The following WWOX variants were observed in gnomAD, a reference collection of about 807,000 sequenced individuals.
The protein encoded by WWOX is WW domain-containing oxidoreductase.
A neutral mutation model predicts 46.2 loss-of-function variants in WWOX; 69 were observed. The ratio of observed to expected loss-of-function variants is 1.49; its 90% CI spans 1.23 to 1.82. The LOEUF is 1.82. WWOX is among the 40% of genes most tolerant of loss of function. The pLI, the probability that WWOX is intolerant of heterozygous loss-of-function variation, is 0.00. For synonymous variants in WWOX, 359 were observed against 202.6 expected (o/e 1.77, Z -6.56); for missense variants, 919 against 542.6 (o/e 1.69, Z -6.89).
chr16:78,585,275 C>G (rs992253532), intron 8 of WWOX, among the ~76,000 whole-genome samples: 2 of 152,190 alleles, frequency 1.3e-5, no homozygotes, highest in Admixed American at 6.5e-5. Context: ...CAAGAGAAGA[C>G]CAGGCCTTGG....
intron 8 of WWOX, among the ~76,000 whole-genome samples, chr16:79,107,365 G>C (rs2049331878): frequency 6.6e-6 from 1 of 152,064 alleles, no homozygotes; most frequent in African/African-American, 2.4e-5. Context: ...TGGGATGACA[G>C]GCACGAGTCA....
chr16:78,858,998 A>AT (rs1402875419), intron 8 of WWOX, among the ~76,000 whole-genome samples: 2 of 54,722 alleles, frequency 3.7e-5, no homozygotes, highest in African/African-American at 7.0e-5. Context: ...TAGTTTTGAA[A>AT]TTTAAAAAAA....
Position 78,974,915 on chromosome 16 carries a change from C to T in WWOX, c.1057-236693C>T, listed in dbSNP as rs143924485. Among the ~76,000 whole-genome samples, 681 of 152,226 alleles carry T rather than the reference C, an allele frequency of 4.5e-3. 2 individuals are homozygous for T. The highest frequency in any genetic ancestry group is 5.7e-3 in the Admixed American group (87 of 15,290). On this transcript the variant is annotated intron_variant, in intron 8 of 8. Coordinates refer to ENST00000566780, the MANE Select transcript of WWOX (RefSeq NM_016373.4). ...TGCTCAGCTGCAAGTCAGGGTCCACCGATGCAGCCTCGGAATTTAATGAGG... is the reference window on the plus strand; with the variant it reads ...TGCTCAGCTGCAAGTCAGGGTCCACTGATGCAGCCTCGGAATTTAATGAGG...
chr16:79,151,747 C>T (rs906703825), intron 8 of WWOX, among the ~76,000 whole-genome samples: 10 of 152,164 alleles, frequency 6.6e-5, no homozygotes, highest in African/African-American at 2.4e-4. Context: ...GGGTGCCTGA[C>T]AGCCAGAGCC....
At chr16:78,262,097 C>CAAAAAAAAAAAA (rs752161345) in intron 5 of WWOX, among the ~76,000 whole-genome samples, 3 of 62,594 alleles carry the variant, frequency 4.8e-5, no homozygotes, top group South Asian at 7.9e-4. Flanking sequence ...GAAACTCTGT[C>CAAAAAAAAAAAA]AAAAAAAAAA....
intron 5 of WWOX, among the ~76,000 whole-genome samples, chr16:78,317,554 A>C (rs2080379539): frequency 6.6e-6 from 1 of 152,042 alleles, no homozygotes; most frequent in Non-Finnish European, 1.5e-5. Context: ...AAAGTACCTT[A>C]CCTCCTTCCA....
intron 8 of WWOX, among the ~76,000 whole-genome samples, chr16:78,575,607 C>G (rs1057367808): frequency 6.6e-6 from 1 of 152,112 alleles, no homozygotes; most frequent in Non-Finnish European, 1.5e-5. Flanking sequence ...GCATTTGACG[C>G]ATATTTAATA....
chr16:78,991,230 C>T (rs796254823), intron 8 of WWOX, among the ~76,000 whole-genome samples: 4 of 152,170 alleles, frequency 2.6e-5, no homozygotes, highest in Non-Finnish European at 1.5e-5. Flanking sequence ...TGAACTATTT[C>T]TTGGATGAAA....
intron 8 of WWOX, among the ~76,000 whole-genome samples, chr16:78,556,627 A>G (rs773370741): frequency 2.7e-4 from 41 of 152,302 alleles, no homozygotes; most frequent in Middle Eastern, 3.4e-3. Flanking sequence ...TGTTTAGGAC[A>G]GAGTTCAACC....
chr16:79,139,410 C>T (rs984587633), intron 8 of WWOX, among the ~76,000 whole-genome samples: 2 of 152,186 alleles, frequency 1.3e-5, no homozygotes, highest in Non-Finnish European at 2.9e-5. Context: ...CTGTAACACA[C>T]TTTGCCTGCA....
intron 8 of WWOX, among the ~76,000 whole-genome samples, chr16:78,951,549 A>G (rs2046060250): frequency 6.6e-6 from 1 of 152,214 alleles, no homozygotes; most frequent in African/African-American, 2.4e-5. Flanking sequence ...AAAAGGGGAC[A>G]TGGGTATTAA....
At position 79,212,067 on chromosome 16, in the gene WWOX, G is replaced by A; in HGVS notation, c.*271G>A. 2 of 1,536,378 alleles carry A rather than the reference G, an allele frequency of 1.3e-6. No homozygotes were observed. The highest frequency in any genetic ancestry group is 1.7e-6 in the Non-Finnish European group (2 of 1,146,866). ...TTGAAAGTAAAAACCTGCTTGGTGTGTAGGTTCCGTATCTCCCTGGAGAAG... is the reference window on the plus strand; with the variant it reads ...TTGAAAGTAAAAACCTGCTTGGTGTATAGGTTCCGTATCTCCCTGGAGAAG... On this transcript the variant is annotated 3_prime_UTR_variant, in exon 9 of 9. Coordinates refer to ENST00000566780, the MANE Select transcript of WWOX (RefSeq NM_016373.4).
intron 5 of WWOX, among the ~76,000 whole-genome samples, chr16:78,340,372 T>C (rs112645222): frequency 0.23 from 26,601 of 117,414 alleles, 8,433 homozygotes; most frequent in African/African-American, 0.38. Flanking sequence ...AATTTATTTT[T>C]ATTTTTTGTA....
intron 8 of WWOX, among the ~76,000 whole-genome samples, chr16:79,136,765 C>A (rs1203706066): frequency 1.3e-5 from 2 of 152,278 alleles, no homozygotes; most frequent in East Asian, 1.9e-4. Context: ...GTAATAATAT[C>A]CCTTGAAGCC....
At chr16:78,481,881 A>C (rs1247571809) in intron 8 of WWOX, among the ~76,000 whole-genome samples, 1 of 152,134 alleles carries the variant, frequency 6.6e-6, no homozygotes, top group African/African-American at 2.4e-5. Flanking sequence ...GGAGCTTTAA[A>C]ATAAAATAAA....
chr16:78,987,818 C>T (rs1195663290), intron 8 of WWOX, among the ~76,000 whole-genome samples: 1 of 152,160 alleles, frequency 6.6e-6, no homozygotes, highest in African/African-American at 2.4e-5. Context: ...CAAAAATTTC[C>T]AGCAGGACTT....
intron 5 of WWOX, among the ~76,000 whole-genome samples, chr16:78,261,312 T>A (rs1268406566): frequency 1.3e-5 from 2 of 150,708 alleles, no homozygotes; most frequent in African/African-American, 4.9e-5. Flanking sequence ...CATACATACA[T>A]ATAAAATTAG....
In WWOX at chr16:79,156,424, G is replaced by C. The variant is rs143197482; in HGVS notation, c.1057-55184G>C. 9.1e-4 allele frequency among the ~76,000 whole-genome samples: 138 copies of C among 152,338 alleles called. 3 individuals carry two copies. In the East Asian group the frequency reaches 0.023, roughly 26 times the overall value. ...GATTCACCCGCCTCAGCCTCCCAAAGTGCTGGGATAACAGGCGTGAGCCAC... is the reference window on the plus strand; with the variant it reads ...GATTCACCCGCCTCAGCCTCCCAAACTGCTGGGATAACAGGCGTGAGCCAC... On this transcript the variant is annotated intron_variant, in intron 8 of 8. Coordinates refer to ENST00000566780, the MANE Select transcript of WWOX (RefSeq NM_016373.4).
At chr16:78,585,333 C>T (rs1421844380) in intron 8 of WWOX, among the ~76,000 whole-genome samples, 2 of 152,204 alleles carry the variant, frequency 1.3e-5, no homozygotes, top group African/African-American at 2.4e-5. Context: ...GAGACCATCA[C>T]CCTGGCTGCC....
Sources: allele counts gnomAD v4.1 joint callset (sites outside exome capture counted in the v4.1 genomes callset), GRCh38; gene constraint gnomAD v4.1.1; transcripts MANE v1.5; gene names NCBI Gene and HGNC (gene_info 2026-07-23, HGNC 2026-07-21).